Variants in ZIC4 observed in about 807,000 individuals in gnomAD.
The protein encoded by ZIC4 is zinc finger protein ZIC 4.
ZIC4 carries 15 observed loss-of-function variants against 28.8 expected under a neutral mutation model. The observed-to-expected ratio is 0.52, with a 90% CI of 0.35 to 0.80. The LOEUF is 0.80. Among genes scored for constraint, ZIC4 ranks in the 30% least tolerant of loss-of-function variants. The pLI is 0.01. For missense variants in ZIC4, 512 were observed against 467.1 expected (o/e 1.10, Z -0.89); for synonymous variants, 220 against 198.1 (o/e 1.11, Z -0.93).
rs930909618 is a variant in ZIC4 at position 147,386,320 on chromosome 3, C to A, written c.*2539G>T. ...ACAAACAGTGTGGGTAGAGAGGGTA[C>A]AAATAGTCTAAAGATTTCAGCCAGG... On this transcript the variant is annotated 3_prime_UTR_variant, in exon 5 of 5. Transcript: ENST00000383075. The A allele has an allele frequency of 2.0e-5, 3 of 152,430 alleles. No homozygotes were observed. The highest frequency in any genetic ancestry group is 2.4e-5 in the African/African-American group (1 of 41,428). 9.4% of individuals were successfully genotyped at this position (152,430 alleles called of 1,614,324 possible).
rs755772240 is a variant in ZIC4, at chr3:147,402,821, G to A, written c.-15-9C>T. 8 of 1,612,154 alleles carry A rather than the reference G, an allele frequency of 5.0e-6. No homozygotes were observed. The highest frequency in any genetic ancestry group is 2.2e-5 in the East Asian group (1 of 44,838). On this transcript the variant is annotated splice_polypyrimidine_tract_variant and intron_variant, in intron 1 of 4. Transcript: ENST00000383075. Reference sequence around the variant, plus strand: ...ATTTTCTGACTTTGAGCCTGTTTGGGAAGAAAAGAGTGACAGTCACTAGTT... The same window carrying A: ...ATTTTCTGACTTTGAGCCTGTTTGGAAAGAAAAGAGTGACAGTCACTAGTT...
intron 4 of ZIC4, among the ~76,000 whole-genome samples, chr3:147,390,079 A>T (rs1249697085): frequency 6.6e-6 from 1 of 151,702 alleles, no homozygotes; most frequent in Non-Finnish European, 1.5e-5. Context: ...TTCACTCCCT[A>T]CTCCAAGTAT....
At position 147,396,356 on chromosome 3, in the gene ZIC4, G is replaced by A. The variant is rs754990917; in HGVS notation, c.184C>T (p.Leu62Phe). The change falls in exon 3 of 5, where the codon CTC (leucine) becomes TTC (phenylalanine). Residue 62 changes from leucine (L) to phenylalanine (F), a missense_variant. By Grantham distance (22) the Leu-to-Phe change is conservative (BLOSUM62 0). Transcript: ENST00000383075. This position sits in a 1 kb window ranked among gnomAD's most constrained non-coding sequence, Gnocchi z 4.2. ...QASPSRPLNG[L>F]LRLGLPGDMY... ...TCTCCAGGGAGCCCCAGACGCAGGA[G>A]TCCATTCAAAGGACGGCTGGGGGAG... is the stretch of plus-strand genomic sequence containing the variant. 1.3e-6 allele frequency: 2 copies of A among 1,559,000 alleles called. No homozygotes were observed. The highest frequency in any genetic ancestry group is 3.9e-5 in the Admixed American group (2 of 50,926).
chr3:147,400,674 A>G (rs2087147013), intron 2 of ZIC4, among the ~76,000 whole-genome samples: 1 of 152,358 alleles, frequency 6.6e-6, no homozygotes, highest in South Asian at 2.1e-4. Flanking sequence ...TCTTCAAGGT[A>G]TATCTTTGAA....
chr3:147,392,021 T>C (rs2086933991), intron 3 of ZIC4: 1 of 985,396 alleles, frequency 1.0e-6, no homozygotes, highest in African/African-American at 1.7e-5. Flanking sequence ...AATATTTCAT[T>C]ACGCTGCTCC....
At chr3:147,390,658 T>A (rs1467800245) in intron 4 of ZIC4, among the ~76,000 whole-genome samples, 1 of 152,128 alleles carries the variant, frequency 6.6e-6, no homozygotes, top group Non-Finnish European at 1.5e-5. Context: ...GGGACCATAT[T>A]TATCTTCTAA....
At chr3:147,402,858 C>A (rs568626568) in intron 1 of ZIC4, 46 bp from the exon 2 acceptor site, 2 of 1,530,048 alleles carry the variant, frequency 1.3e-6, no homozygotes, top group Non-Finnish European at 1.8e-6. Context: ...AACAATTTTA[C>A]ACGTCTGTGT....
At chr3:147,398,006 C>A (rs1019557272) in intron 2 of ZIC4, among the ~76,000 whole-genome samples, 1 of 152,042 alleles carries the variant, frequency 6.6e-6, no homozygotes, top group African/African-American at 2.4e-5. Context: ...CTGGCCCTGA[C>A]CAGGGACGGG....
intron 3 of ZIC4, 91 bp downstream of exon 3, chr3:147,395,761 C>T (rs2087026640): frequency 5.9e-6 from 9 of 1,513,706 alleles, no homozygotes; most frequent in Non-Finnish European, 8.0e-6. Context: ...AAATATTTCC[C>T]CCTCCCCTCA....
At position 147,388,198 on chromosome 3, in the gene ZIC4, A is replaced by T. The variant is rs2086831229; in HGVS notation, c.*661T>A. The T allele has an allele frequency of 6.5e-6, 1 of 152,782 alleles. No individual in the cohort carries two copies. Among genetic ancestry groups the T allele is most frequent in the Non-Finnish European group, 1.5e-5 (1 of 68,162 alleles). The allele number at this position is 152,782 out of a possible 1,614,324, so 9.5% of individuals were successfully genotyped here. A position where few individuals can be genotyped will look rare whatever the true frequency, so the allele number is the denominator to read the frequency against. ...CAAAGGTCAGCGCAAATGTATCTTA[A>T]TAGAGTGTCTGTAGTGAAGTGTGCC... On this transcript the variant is annotated 3_prime_UTR_variant, in exon 5 of 5. Coordinates refer to ENST00000383075, the MANE Select transcript of ZIC4 (RefSeq NM_032153.6).
intron 2 of ZIC4, among the ~76,000 whole-genome samples, chr3:147,397,779 A>T (rs1221459890): frequency 6.6e-6 from 1 of 152,084 alleles, no homozygotes; most frequent in Non-Finnish European, 1.5e-5. Flanking sequence ...GCAGCCGTTG[A>T]GCCTAATTTT....
intron 1 of ZIC4, chr3:147,405,626 A>T (rs2087258054): frequency 1.3e-6 from 1 of 792,150 alleles, no homozygotes; most frequent in Non-Finnish European, 2.1e-6. Context: ...CCAGAGAGCT[A>T]GTTGCTGCTC....
At chr3:147,403,430 TATA>T (rs1229995982) in intron 1 of ZIC4, 1 of 152,970 alleles carries the variant, frequency 6.5e-6, no homozygotes, top group Non-Finnish European at 1.5e-5. Context: ...GTTAAAAAGG[TATA>T]ATTTTAATCG....
intron 4 of ZIC4, chr3:147,389,150 G>A (rs1039084986): frequency 4.3e-6 from 2 of 459,906 alleles, no homozygotes; most frequent in Non-Finnish European, 7.7e-6. Flanking sequence ...ATTGTATTAG[G>A]TGTAGGCAGG....
At chr3:147,403,870 G>C (rs968095392) in intron 1 of ZIC4, 13 of 1,241,570 alleles carry the variant, frequency 1.0e-5, no homozygotes, top group Non-Finnish European at 1.4e-5. Context: ...CCCCCTCAAC[G>C]TCCAACCAGA....
In ZIC4 at chr3:147,396,077, C is replaced by T. The variant is rs749529573; in HGVS notation, c.463G>A (p.Val155Ile). ...SKTFSTMHEL[V>I]THVTVEHVGG... ...ACGTGCTCCACGGTGACGTGCGTGA[C>T]CAGCTCGTGCATGGTGCTGAAAGTT... The change falls in exon 3 of 5, where the codon GTC (valine) becomes ATC (isoleucine). Residue 155 changes from valine (V) to isoleucine (I), a missense_variant. Coordinates refer to ENST00000383075, the MANE Select transcript of ZIC4 (RefSeq NM_032153.6). The surrounding 1 kb of genome is among the most constrained non-coding windows in gnomAD (Gnocchi z 4.2). 1.2e-6 allele frequency: 2 copies of T among 1,614,272 alleles called. No homozygotes were observed. The highest frequency in any genetic ancestry group is 1.7e-5 in the Admixed American group (1 of 60,038).
At chr3:147,394,482 A>C (rs1239832326) in intron 3 of ZIC4, among the ~76,000 whole-genome samples, 1 of 151,768 alleles carries the variant, frequency 6.6e-6, no homozygotes, top group Non-Finnish European at 1.5e-5. Flanking sequence ...AAAAAAAAAA[A>C]AAAAACCCTG....
rs184839225 is a variant in ZIC4, at chr3:147,405,693, A to G, written c.-16+670T>C. ...CCCGAACCCACTGCTGGCCGCGCGC[A>G]GAGAGCAGATCCCAGCAGTCAGCTT... On this transcript the variant is annotated intron_variant, in intron 1 of 4. Coordinates refer to ENST00000383075, the MANE Select transcript of ZIC4 (RefSeq NM_032153.6). The G allele has an allele frequency of 1.2e-5, 7 of 601,394 alleles. No individual in the cohort carries two copies. The East Asian group carries it at 2.0e-4, about 17-fold the overall frequency. 37.3% of individuals were successfully genotyped at this position (601,394 alleles called of 1,614,324 possible).
In ZIC4 at chr3:147,395,937, C is replaced by T. The variant is rs749977452; in HGVS notation, c.603G>A (p.Glu201=). The change falls in exon 3 of 5, where the codon GAG becomes GAA. Residue 201 remains glutamate, a synonymous_variant. Coordinates refer to ENST00000383075, the MANE Select transcript of ZIC4 (RefSeq NM_032153.6). ...LVNHIRVHTG[E]KPFPCPFPGC... is the part of the protein sequence containing the mutation. ...CCGGGAAAGGACAAGGGAAGGGCTTCTCGCCCGTGTGCACGCGGATGTGAT... is the reference window on the plus strand; with the variant it reads ...CCGGGAAAGGACAAGGGAAGGGCTTTTCGCCCGTGTGCACGCGGATGTGAT... 2 of 1,614,132 alleles carry T rather than the reference C, an allele frequency of 1.2e-6. No individual in the cohort carries two copies. Among genetic ancestry groups the T allele is most frequent in the African/African-American group, 2.7e-5 (2 of 74,946 alleles).
Sources: allele counts gnomAD v4.1 joint callset (sites outside exome capture counted in the v4.1 genomes callset), GRCh38; gene constraint gnomAD v4.1.1; non-coding constraint Gnocchi (gnomAD v3.1); transcripts MANE v1.5; gene names NCBI Gene and HGNC (gene_info 2026-07-23, HGNC 2026-07-21).